The following ZSCAN25 variants were observed in gnomAD, a reference collection of about 807,000 sequenced individuals.
The protein encoded by ZSCAN25 is zinc finger and SCAN domain-containing protein 25.
In ZSCAN25, 27 loss-of-function variants were observed where a neutral mutation model predicts 38.7. That is an observed-to-expected ratio of 0.70 (90% CI 0.51 to 0.96). ZSCAN25 has a LOEUF of 0.96. Among genes scored for constraint, ZSCAN25 ranks in the 40% least tolerant of loss-of-function variants. ZSCAN25 has a pLI of 0.00. For missense variants in ZSCAN25, 637 were observed against 705.9 expected, an observed-to-expected ratio of 0.90 and a Z score of 1.11; for synonymous variants, 273 against 277.7, an observed-to-expected ratio of 0.98 and a Z score of 0.17.
At chr7:99,687,539 G>A in the ZSCAN25 span, among the ~76,000 whole-genome samples, 33 of 152,298 alleles carry the variant, frequency 2.2e-4, no homozygotes, top group Admixed American at 7.8e-4. Flanking sequence ...CCAAATCTAC[G>A]TCTCACTGGT....
chr7:99,687,683 A>G, the ZSCAN25 span, among the ~76,000 whole-genome samples: 1 of 152,012 alleles, frequency 6.6e-6, no homozygotes, highest in East Asian at 1.9e-4. Context: ...TCAAAAAGAT[A>G]CTCCTCGAGA....
chr7:99,735,042 T>A, the ZSCAN25 span: 1 of 1,614,132 alleles, frequency 6.2e-7, no homozygotes, highest in Non-Finnish European at 8.5e-7. Context: ...AGTATCAGGC[T>A]GACAGCCAGG....
the ZSCAN25 span, among the ~76,000 whole-genome samples, chr7:99,658,590 G>T: frequency 6.6e-6 from 1 of 152,190 alleles, no homozygotes; most frequent in African/African-American, 2.4e-5. Context: ...GAGTATCTTT[G>T]TGGCGTTCTC....
At chr7:99,685,086 G>A in the ZSCAN25 span, 3 of 1,278,558 alleles carry the variant, frequency 2.3e-6, no homozygotes, top group Admixed American at 5.1e-5. Flanking sequence ...TGAGGTCTCT[G>A]GTGTTCTAGG....
At chr7:99,700,126 C>G in the ZSCAN25 span, 1 of 865,106 alleles carries the variant, frequency 1.2e-6, no homozygotes, top group East Asian at 2.5e-5. Flanking sequence ...CATCCCTGCC[C>G]TGCACAGCAG....
chr7:99,638,869 C>G, the ZSCAN25 span: 2 of 592,042 alleles, frequency 3.4e-6, no homozygotes, highest in Non-Finnish European at 6.1e-6. Context: ...CCAGCCTTTG[C>G]GGCCTGCCTG....
At chr7:99,731,819 G>A in the ZSCAN25 span, among the ~76,000 whole-genome samples, 98 of 152,174 alleles carry the variant, frequency 6.4e-4, no homozygotes, top group African/African-American at 2.1e-3. Context: ...GTAGAAGTGC[G>A]AGCACCTTTT....
the ZSCAN25 span, among the ~76,000 whole-genome samples, chr7:99,645,468 C>A: frequency 1.3e-5 from 2 of 152,150 alleles, no homozygotes; most frequent in Non-Finnish European, 2.9e-5. Context: ...TGGATATATA[C>A]CCAGTAATGG....
At chr7:99,711,552 C>G in the ZSCAN25 span, among the ~76,000 whole-genome samples, 1 of 152,024 alleles carries the variant, frequency 6.6e-6, no homozygotes, top group African/African-American at 2.4e-5. Context: ...GTGGATCACC[C>G]GAGGTCAGGA....
chr7:99,648,821 A>G, the ZSCAN25 span, among the ~76,000 whole-genome samples: 3 of 152,206 alleles, frequency 2.0e-5, no homozygotes, highest in African/African-American at 4.8e-5. Context: ...GCTGTTGTAC[A>G]GTTTAATTAT....
intron 7 of ZSCAN25, among the ~76,000 whole-genome samples, chr7:99,627,098 A>G (rs1460855648): frequency 6.6e-6 from 1 of 152,218 alleles, no homozygotes; most frequent in Non-Finnish European, 1.5e-5. Flanking sequence ...ACATTCACCA[A>G]TTGTTAACAT....
the ZSCAN25 span, chr7:99,672,770 T>A: frequency 6.3e-7 from 1 of 1,592,664 alleles, no homozygotes; most frequent in East Asian, 2.2e-5. Flanking sequence ...ATCATTATGT[T>A]ATGTAATCCA....
the ZSCAN25 span, among the ~76,000 whole-genome samples, chr7:99,696,236 C>CTTTTTTTTTTTTTTTT: frequency 6.8e-6 from 1 of 147,348 alleles, no homozygotes; most frequent in Non-Finnish European, 1.5e-5. Flanking sequence ...GAAAGGGTGA[C>CTTTTTTTTTTTTTTTT]TTTTTTTTTT....
At chr7:99,660,627 T>G in the ZSCAN25 span, 1 of 1,613,900 alleles carries the variant, frequency 6.2e-7, no homozygotes, top group Non-Finnish European at 8.5e-7. Context: ...ATGAAGATTA[T>G]TGACTGGGCT....
chr7:99,717,608 G>A, the ZSCAN25 span: 1 of 1,613,616 alleles, frequency 6.2e-7, no homozygotes. Context: ...TATAGAGATG[G>A]CATTTTTCAT....
chr7:99,635,715 C>T (rs1247230907), downstream of ZSCAN25, among the ~76,000 whole-genome samples: 3 of 152,112 alleles, frequency 2.0e-5, no homozygotes, highest in Admixed American at 6.5e-5. Context: ...AAGTGGCTGC[C>T]TACCAATCTG....
the ZSCAN25 span, chr7:99,707,673 T>C: frequency 8.5e-6 from 12 of 1,405,056 alleles, no homozygotes; most frequent in African/African-American, 4.3e-5. Flanking sequence ...TTAAAGATCA[T>C]AGATGGGTCC....
downstream of ZSCAN25, among the ~76,000 whole-genome samples, chr7:99,634,583 A>T (rs1190574886): frequency 6.6e-6 from 1 of 152,160 alleles, no homozygotes; most frequent in Non-Finnish European, 1.5e-5. Context: ...AGGTCAGGAG[A>T]TTGAGACCAT....
the ZSCAN25 span, among the ~76,000 whole-genome samples, chr7:99,655,587 TTAAAG>T: frequency 1.3e-5 from 2 of 152,218 alleles, no homozygotes; most frequent in Non-Finnish European, 2.9e-5. Context: ...CATATGAACT[TTAAAG>T]TAGTTTTTTC....
Sources: gnomAD v4.1 joint callset for allele counts (sites outside exome capture counted in the v4.1 genomes callset) on GRCh38, gnomAD v4.1.1 for gene constraint, MANE v1.5 for transcripts, NCBI Gene and HGNC (gene_info 2026-07-23, HGNC 2026-07-21) for gene names.